The following TBXAS1 variants were observed in gnomAD, a reference collection of about 807,000 sequenced individuals.
The protein encoded by TBXAS1 is thromboxane-A synthase.
In TBXAS1, 48 loss-of-function variants were observed where a neutral mutation model predicts 60.7. The observed-to-expected ratio is 0.79, with a 90% CI of 0.63 to 1.01. The LOEUF (loss-of-function observed/expected upper bound fraction) is 1.01, where lower values mean the gene tolerates loss of function less well. TBXAS1 is among the 50% of genes least tolerant of loss of function. The pLI is 0.00. For missense variants in TBXAS1, 685 were observed against 686.3 expected, an observed-to-expected ratio of 1.00 and a Z score of 0.02; for synonymous variants, 287 against 269.7, an observed-to-expected ratio of 1.06 and a Z score of -0.63.
At chr7:139,931,579 CAT>C (rs1569515194) in intron 4 of TBXAS1, among the ~76,000 whole-genome samples, 1 of 152,206 alleles carries the variant, frequency 6.6e-6, no homozygotes, top group Non-Finnish European at 1.5e-5. Context: ...GCACGCCTCA[CAT>C]GGCAGCAGAC....
chr7:139,950,198 A>G (rs1017728097), intron 5 of TBXAS1, among the ~76,000 whole-genome samples: 2 of 151,826 alleles, frequency 1.3e-5, no homozygotes, highest in African/African-American at 4.8e-5. Flanking sequence ...ACGCCCAGCT[A>G]ATTTTTATAT....
At chr7:139,814,951 C>G (rs1798109986) in intron 4 of TBXAS1, among the ~76,000 whole-genome samples, 1 of 152,196 alleles carries the variant, frequency 6.6e-6, no homozygotes, top group Non-Finnish European at 1.5e-5. Context: ...TAGCACCTGT[C>G]TCTGTGCCTT....
Position 139,905,000 on chromosome 7 carries a change from T to G in TBXAS1, c.237-6225T>G, listed in dbSNP as rs141425937. Among the ~76,000 whole-genome samples, 170 of 95,292 alleles carry G rather than the reference T, an allele frequency of 1.8e-3. 3 individuals carry two copies. The highest frequency in any genetic ancestry group is 8.0e-3 in the African/African-American group (155 of 19,416). The allele number at this position is 95,292 out of a possible 152,430, so 62.5% of individuals were successfully genotyped here. A position where few individuals can be genotyped will look rare whatever the true frequency, so the allele number is the denominator to read the frequency against. On this transcript the variant is annotated intron_variant, in intron 3 of 12. Coordinates refer to ENST00000448866, the MANE Select transcript of TBXAS1 (RefSeq NM_001061.7). ...TTCTTTCTCTTTCTCTCTTTCTCTC[T>G]TTCTCTCTTTCTTTCTTTCTTTCTT...
chr7:139,792,334 TAC>T (rs1797414080), intron 4 of TBXAS1, among the ~76,000 whole-genome samples: 1 of 152,202 alleles, frequency 6.6e-6, no homozygotes, highest in African/African-American at 2.4e-5. Flanking sequence ...CTCCTGGCTT[TAC>T]AGAGATTCAT....
chr7:139,834,059 C>T (rs1342505146), intron 1 of TBXAS1, among the ~76,000 whole-genome samples: 1 of 152,090 alleles, frequency 6.6e-6, no homozygotes, highest in East Asian at 1.9e-4. Context: ...ATATGATAGG[C>T]CATAAAACAA....
In TBXAS1 at chr7:139,953,407, G is replaced by A. The variant is rs746537232; in HGVS notation, c.490G>A (p.Ala164Thr). The change falls in exon 6 of 13, where the codon GCT becomes ACT. Residue 164 changes from alanine to threonine, a missense_variant. Physicochemically the swap from Ala to Thr is moderately conservative, Grantham distance 58. Transcript: ENST00000448866. ...CAGCCAAGCCTGCGACCTTCTCCTG[G>A]CTCATTTAAAACGCTATGCGGAATC... ...LISQACDLLL[A>T]HLKRYAESGD... is the part of the protein sequence containing the mutation. The A allele has an allele frequency of 6.2e-7, 1 of 1,614,122 alleles. No individual in the cohort carries two copies. The highest frequency in any genetic ancestry group is 8.5e-7 in the Non-Finnish European group (1 of 1,180,018).
Position 139,999,427 on chromosome 7 carries a change from C to T in TBXAS1, c.1135-7664C>T, listed in dbSNP as rs572272640. 7.8e-4 allele frequency among the ~76,000 whole-genome samples: 119 copies of T among 152,206 alleles called. No homozygotes were observed. Among genetic ancestry groups the T allele is most frequent in the Admixed American group, 2.2e-3 (33 of 15,286 alleles). ...TAATTCCAGCTACTTGGGAGGCTGA[C>T]GCATGAGACTCGCTTGAACCCGGGA... On this transcript the variant is annotated intron_variant, in intron 9 of 12. Coordinates refer to ENST00000448866, the MANE Select transcript of TBXAS1 (RefSeq NM_001061.7). This position sits in a 1 kb window ranked among gnomAD's most constrained non-coding sequence, Gnocchi z 4.3.
At chr7:139,792,049 A>AAGACTG (rs2117250087) in intron 4 of TBXAS1, among the ~76,000 whole-genome samples, 1 of 152,308 alleles carries the variant, frequency 6.6e-6, no homozygotes, top group East Asian at 1.9e-4. Flanking sequence ...AGCACACCTC[A>AAGACTG]AGACTGATTC....
intron 4 of TBXAS1, among the ~76,000 whole-genome samples, chr7:139,928,692 C>T (rs1466406235): frequency 1.3e-5 from 2 of 152,192 alleles, no homozygotes; most frequent in Admixed American, 6.5e-5. Flanking sequence ...ACCACCAACC[C>T]GTTGCTTCTC....
rs1009422504 is a variant in TBXAS1, at chr7:139,852,032, T to C, written c.90-20203T>C. 2.0e-5 allele frequency among the ~76,000 whole-genome samples: 3 copies of C among 152,234 alleles called. No individual in the cohort carries two copies. Among genetic ancestry groups the C allele is most frequent in the Non-Finnish European group, 2.9e-5 (2 of 68,030 alleles). ...TCAGCAGCCATGTTGAGCAGCCCTA[T>C]AGGGAGAGGCTCATATGGCAAAGCC... On this transcript the variant is annotated intron_variant, in intron 1 of 12. Coordinates refer to ENST00000448866, the MANE Select transcript of TBXAS1 (RefSeq NM_001061.7). The surrounding 1 kb of genome is among the most constrained non-coding windows in gnomAD (Gnocchi z 4.4).
chr7:140,017,281 T>C (rs1258428329), intron 11 of TBXAS1, among the ~76,000 whole-genome samples: 1 of 152,126 alleles, frequency 6.6e-6, no homozygotes, highest in Non-Finnish European at 1.5e-5. Context: ...GGCGGCTGGG[T>C]CATCCTATGG....
In TBXAS1 at chr7:139,856,280, C is replaced by T. The variant is rs554515186; in HGVS notation, c.90-15955C>T. On this transcript the variant is annotated intron_variant, in intron 1 of 12. Transcript: ENST00000448866. ...GTTTTGTGGCAATGCTCCTGCTAAT[C>T]TGGGGTGATCGAGTTGTTTTTCCAC... is the stretch of plus-strand genomic sequence containing the variant. Among the ~76,000 whole-genome samples the T allele has an allele frequency of 3.3e-5, 5 of 152,304 alleles. No homozygotes were observed. In the South Asian group the frequency reaches 6.2e-4, roughly 19 times the overall value.
intron 4 of TBXAS1, among the ~76,000 whole-genome samples, chr7:139,935,244 C>T (rs1018520654): frequency 1.3e-5 from 2 of 152,232 alleles, no homozygotes; most frequent in Non-Finnish European, 2.9e-5. Context: ...CATAAAATGG[C>T]ATAGTATTTG....
At position 139,888,898 on chromosome 7, in the gene TBXAS1, G is replaced by A. The variant is rs1317972688; in HGVS notation, c.236+13261G>A. Among the ~76,000 whole-genome samples the A allele has an allele frequency of 4.0e-5, 6 of 150,810 alleles. No homozygotes were observed. The Admixed American group carries it at 4.0e-4, about 10-fold the overall frequency. On this transcript the variant is annotated intron_variant, in intron 3 of 12. Coordinates refer to ENST00000448866, the MANE Select transcript of TBXAS1 (RefSeq NM_001061.7). ...AAAGAAAGTTGTGCAGGTATAGAGT[G>A]GAGAAGGGGTGCAGGGGGAGGATGG...
chr7:139,834,284 C>T (rs553357308), intron 1 of TBXAS1, among the ~76,000 whole-genome samples: 1 of 152,134 alleles, frequency 6.6e-6, no homozygotes, highest in South Asian at 2.1e-4. Flanking sequence ...ATGACAAAAC[C>T]TATCAAAACC....
intron 9 of TBXAS1, among the ~76,000 whole-genome samples, chr7:140,006,596 G>C (rs1442750955): frequency 6.6e-6 from 1 of 152,096 alleles, no homozygotes; most frequent in Non-Finnish European, 1.5e-5. Context: ...TTTTGTTACT[G>C]TTAGTCCTTT....
rs2299892 is a variant in TBXAS1 at position 139,918,597 on chromosome 7, G to A, written c.333+7276G>A. 2.1e-3 allele frequency among the ~76,000 whole-genome samples: 313 copies of A among 152,286 alleles called. 9 individuals carry two copies. The East Asian group carries it at 0.04, about 20-fold the overall frequency. On this transcript the variant is annotated intron_variant, in intron 4 of 12. Transcript: ENST00000448866. Reference sequence around the variant, plus strand: ...TCCCCGCTCAGGAGGGGCCCTCACTGTCAGCTTTGGGGCTGATAGAAGCAC... The same window carrying A: ...TCCCCGCTCAGGAGGGGCCCTCACTATCAGCTTTGGGGCTGATAGAAGCAC...
chr7:139,881,884 A>G (rs942984356), intron 3 of TBXAS1, among the ~76,000 whole-genome samples: 3 of 152,200 alleles, frequency 2.0e-5, no homozygotes. Context: ...ATTAGCTAGC[A>G]TGCATGAACT....
At chr7:139,831,675 T>C (rs916238726) in intron 1 of TBXAS1, among the ~76,000 whole-genome samples, 2 of 152,202 alleles carry the variant, frequency 1.3e-5, no homozygotes, top group Admixed American at 6.5e-5. Context: ...CTCATGCCTA[T>C]AATCCCAGCA....
Sources: allele counts gnomAD v4.1 joint callset (sites outside exome capture counted in the v4.1 genomes callset), GRCh38; gene constraint gnomAD v4.1.1; non-coding constraint Gnocchi (gnomAD v3.1); transcripts MANE v1.5; gene names NCBI Gene and HGNC (gene_info 2026-07-23, HGNC 2026-07-21).